Variants in NCALD observed in about 807,000 individuals in gnomAD.
NCALD encodes the protein neurocalcin delta.
In NCALD, 10 loss-of-function variants were observed where a neutral mutation model predicts 18.6. The ratio of observed to expected loss-of-function variants is 0.54; its 90% confidence interval spans 0.33 to 0.91. The LOEUF is 0.91. Among genes scored for constraint, NCALD ranks in the 40% least tolerant of loss-of-function variants. NCALD has a pLI of 0.03. For synonymous variants in NCALD, 88 were observed against 87.4 expected, an observed-to-expected ratio of 1.01 and a Z score of -0.04; for missense variants, 184 against 247.6, an observed-to-expected ratio of 0.74 and a Z score of 1.72.
At chr8:102,039,387 A>G (rs1239777580) in intron 1 of NCALD, among the ~76,000 whole-genome samples, 1 of 152,226 alleles carries the variant, frequency 6.6e-6, no homozygotes, top group Non-Finnish European at 1.5e-5. Flanking sequence ...GAAAGAAATA[A>G]CACAGTTTAG....
At chr8:101,774,713 C>T (rs558232292) in intron 1 of NCALD, among the ~76,000 whole-genome samples, 1 of 152,118 alleles carries the variant, frequency 6.6e-6, no homozygotes, top group South Asian at 2.1e-4. Flanking sequence ...GAAGATCTAC[C>T]CAAGGCATGT....
In NCALD at chr8:102,004,706, A is replaced by G. The variant is rs974375499; in HGVS notation, c.-157+15531T>C. 1.8e-3 allele frequency among the ~76,000 whole-genome samples: 269 copies of G among 152,222 alleles called. 3 individuals are homozygous for G. Among genetic ancestry groups the G allele is most frequent in the African/African-American group, 6.2e-3 (256 of 41,468 alleles). ...GATACAGACCAATGGAACAGAACAG[A>G]GCCCTCAGAAATAATGCCACATATC... On this transcript the variant is annotated intron_variant, in intron 2 of 6. Transcript: ENST00000311028.
chr8:101,825,063 C>A (rs906443838), intron 4 of NCALD, among the ~76,000 whole-genome samples: 10 of 152,120 alleles, frequency 6.6e-5, no homozygotes, highest in Non-Finnish European at 4.4e-5. Flanking sequence ...CACAACTGAC[C>A]CAGCTTGCAG....
chr8:101,962,233 G>A (rs919459800), intron 2 of NCALD, among the ~76,000 whole-genome samples: 11 of 152,178 alleles, frequency 7.2e-5, no homozygotes. Context: ...AATGCAATGT[G>A]TCTTATAGAC....
intron 4 of NCALD, among the ~76,000 whole-genome samples, chr8:101,877,392 CCCAGCATTCCCCTATTAT>C (rs1026125250): frequency 2.0e-5 from 3 of 152,108 alleles, no homozygotes; most frequent in Non-Finnish European, 4.4e-5. Flanking sequence ...TTCCCAATTA[CCCAGCATTCCCCTATTAT>C]CCAGCATTCC....
At chr8:101,917,879 C>T (rs1193799004) in intron 2 of NCALD, among the ~76,000 whole-genome samples, 1 of 152,074 alleles carries the variant, frequency 6.6e-6, no homozygotes, top group Non-Finnish European at 1.5e-5. Flanking sequence ...GATGGATTCA[C>T]AGCCAAATTC....
intron 1 of NCALD, among the ~76,000 whole-genome samples, chr8:101,765,649 G>A (rs1343870552): frequency 6.6e-6 from 1 of 152,160 alleles, no homozygotes; most frequent in African/African-American, 2.4e-5. Context: ...TGTTGGGGAG[G>A]AGTAGGAAGG....
intron 3 of NCALD, chr8:101,692,233 T>C: frequency 1.0e-6 from 1 of 985,356 alleles, no homozygotes; most frequent in Non-Finnish European, 1.2e-6. Flanking sequence ...GGTAGCACCA[T>C]CAGGGTGGGA....
At chr8:101,962,064 C>T (rs1186651678) in intron 2 of NCALD, among the ~76,000 whole-genome samples, 1 of 152,094 alleles carries the variant, frequency 6.6e-6, no homozygotes, top group Non-Finnish European at 1.5e-5. Flanking sequence ...AAGCAAAGGA[C>T]CAAACTGTGG....
At chr8:101,862,292 A>C (rs113289247) in intron 4 of NCALD, among the ~76,000 whole-genome samples, 160 of 152,372 alleles carry the variant, frequency 1.1e-3, no homozygotes, top group African/African-American at 3.8e-3. Context: ...AAATCTACAC[A>C]ATAATTAATA....
intron 4 of NCALD, among the ~76,000 whole-genome samples, chr8:101,879,355 C>G (rs1816374428): frequency 6.6e-6 from 1 of 152,196 alleles, no homozygotes; most frequent in African/African-American, 2.4e-5. Context: ...AGCAGTGAAG[C>G]TGCAGACCTT....
intron 2 of NCALD, among the ~76,000 whole-genome samples, chr8:101,921,138 T>G (rs894952351): frequency 3.3e-5 from 5 of 152,072 alleles, no homozygotes; most frequent in Non-Finnish European, 7.4e-5. Context: ...TCAGATTTTG[T>G]GTCTGACATA....
chr8:101,737,495 C>T lies in NCALD; in HGVS notation c.-19-17847G>A, dbSNP rs111792979. Reference sequence around the variant, plus strand: ...GATTAAATGCCAAACCCCATAGCCTCGTACTCAGGGCCTCTCAAGGCCGCA... The same window carrying T: ...GATTAAATGCCAAACCCCATAGCCTTGTACTCAGGGCCTCTCAAGGCCGCA... On this transcript the variant is annotated intron_variant, in intron 1 of 3. Coordinates refer to ENST00000220931, the MANE Select transcript of NCALD (RefSeq NM_032041.3). Among the ~76,000 whole-genome samples the T allele has an allele frequency of 9.8e-5, 15 of 152,308 alleles. No homozygotes were observed. In the East Asian group the frequency reaches 1.2e-3, roughly 12 times the overall value.
chr8:101,728,174 G>A (rs1433151051), intron 1 of NCALD, among the ~76,000 whole-genome samples: 5 of 152,132 alleles, frequency 3.3e-5, no homozygotes, highest in South Asian at 2.1e-4. Context: ...TAAAAATGAC[G>A]CCACAGCAAG....
chr8:101,961,457 T>C (rs528962620), intron 2 of NCALD, among the ~76,000 whole-genome samples: 1 of 152,332 alleles, frequency 6.6e-6, no homozygotes, highest in African/African-American at 2.4e-5. Flanking sequence ...TTCTATCTCA[T>C]GGTCAAAGTT....
chr8:101,751,212 T>C (rs534781944), intron 1 of NCALD, among the ~76,000 whole-genome samples: 1 of 152,322 alleles, frequency 6.6e-6, no homozygotes, highest in South Asian at 2.1e-4. Flanking sequence ...TCGAAGATAT[T>C]ATGCTACATG....
At chr8:102,121,850 C>T (rs1256265441) in intron 1 of NCALD, among the ~76,000 whole-genome samples, 1 of 152,130 alleles carries the variant, frequency 6.6e-6, no homozygotes, top group East Asian at 1.9e-4. Flanking sequence ...GGTTTTTTAT[C>T]GTAGAGTGTT....
intron 1 of NCALD, among the ~76,000 whole-genome samples, chr8:101,762,591 CT>C (rs577820477): frequency 0.11 from 15,910 of 140,410 alleles, 2,006 homozygotes; most frequent in African/African-American, 0.31. Context: ...ACAAAGTCTA[CT>C]TTTTTTTTTT....
chr8:101,789,976 A>G (rs535413866), intron 1 of NCALD, among the ~76,000 whole-genome samples: 1 of 152,238 alleles, frequency 6.6e-6, no homozygotes, highest in South Asian at 2.1e-4. Context: ...TATTCATTTA[A>G]GATCCAGAGC....
Sources: allele counts gnomAD v4.1 joint callset (sites outside exome capture counted in the v4.1 genomes callset), GRCh38; gene constraint gnomAD v4.1.1; transcripts MANE v1.5; gene names NCBI Gene and HGNC (gene_info 2026-07-23, HGNC 2026-07-21).